Variants in TET1 observed in about 807,000 individuals in gnomAD.
TET1 encodes the protein methylcytosine dioxygenase TET1.
TET1 carries 13 observed loss-of-function variants against 148.7 expected under a neutral mutation model. The observed-to-expected ratio is 0.09, with a 90% confidence interval of 0.06 to 0.14. The LOEUF (loss-of-function observed/expected upper bound fraction) is 0.14. Ranked by LOEUF, TET1 falls within the 10% of genes least tolerant of loss-of-function variation. TET1 has a pLI of 1.00. For synonymous variants in TET1, 907 were observed against 937.2 expected (o/e 0.97, Z 0.59); for missense variants, 2,182 against 2,553.8 (o/e 0.85, Z 3.14).
chr10:68,581,548 G>T (rs1435984767), intron 2 of TET1, among the ~76,000 whole-genome samples: 1 of 152,120 alleles, frequency 6.6e-6, no homozygotes, highest in Non-Finnish European at 1.5e-5. Context: ...GAAAGCCAAA[G>T]AAAACAAAAT....
intron 7 of TET1, among the ~76,000 whole-genome samples, chr10:68,671,107 C>A (rs2055266772): frequency 6.6e-6 from 1 of 151,944 alleles, no homozygotes; most frequent in South Asian, 2.1e-4. Context: ...TAGGTAAATT[C>A]ATGTCACAGG....
intron 10 of TET1, among the ~76,000 whole-genome samples, chr10:68,686,109 A>G (rs2133233510): frequency 6.6e-6 from 1 of 152,368 alleles, no homozygotes; most frequent in Non-Finnish European, 1.5e-5. Flanking sequence ...TAAGTATTTT[A>G]TAACGTTATA....
intron 3 of TET1, among the ~76,000 whole-genome samples, chr10:68,631,366 G>T (rs915386965): frequency 6.6e-6 from 1 of 151,486 alleles, no homozygotes; most frequent in Non-Finnish European, 1.5e-5. Context: ...GAGGACTTTG[G>T]TTGTAAAATG....
chr10:68,581,467 G>A (rs2053797277), intron 2 of TET1, among the ~76,000 whole-genome samples: 1 of 152,168 alleles, frequency 6.6e-6, no homozygotes, highest in African/African-American at 2.4e-5. Context: ...GGACTGTAGA[G>A]CTATTCGCAG....
At chr10:68,666,806 G>A (rs557276873) in intron 6 of TET1, among the ~76,000 whole-genome samples, 24 of 152,146 alleles carry the variant, frequency 1.6e-4, no homozygotes, top group African/African-American at 3.9e-4. Context: ...AAATATGGCC[G>A]GGCATGGAGG....
intron 3 of TET1, among the ~76,000 whole-genome samples, chr10:68,615,093 C>G (rs1318922367): frequency 3.3e-5 from 5 of 151,772 alleles, no homozygotes; most frequent in African/African-American, 1.2e-4. Flanking sequence ...TGCCACCACA[C>G]CCGGCTAATT....
chr10:68,640,806 C>T (rs1246517554), intron 3 of TET1, among the ~76,000 whole-genome samples: 3 of 151,506 alleles, frequency 2.0e-5, no homozygotes, highest in African/African-American at 2.4e-5. Context: ...CCGCCTTGGC[C>T]TCCCAAAGTG....
chr10:68,622,009 C>A (rs1350814196), intron 3 of TET1, among the ~76,000 whole-genome samples: 1 of 152,026 alleles, frequency 6.6e-6, no homozygotes, highest in Non-Finnish European at 1.5e-5. Context: ...TCCAACATCC[C>A]CAAATGTTAT....
chr10:68,623,322 C>T (rs2054402869), intron 3 of TET1, among the ~76,000 whole-genome samples: 1 of 152,124 alleles, frequency 6.6e-6, no homozygotes, highest in South Asian at 2.1e-4. Context: ...AAACTTACAG[C>T]TATTTATTTT....
intron 1 of TET1, among the ~76,000 whole-genome samples, chr10:68,564,136 G>GA (rs1456998583): frequency 6.6e-6 from 1 of 151,154 alleles, no homozygotes; most frequent in Non-Finnish European, 1.5e-5. Flanking sequence ...ATTTTAGGGG[G>GA]AAAAATGTTC....
rs557747751 is a variant in TET1, at chr10:68,686,642, G to A, written c.5339G>A (p.Arg1780Gln). Residue 1780 changes from arginine (R) to glutamine (Q), a missense_variant, in exon 11 of 12, where the codon CGA becomes CAA. This residue lies in a region of TET1 where 380 missense variants were observed against 387.9 expected (regional missense o/e 0.98). Transcript: ENST00000373644. ...GCAGTGGAAAAGAAACCTATTCCCC[G>A]AATCAAGCGGAAGAATAACTCAACA... ...IRAVEKKPIP[R>Q]IKRKNNSTTT... 6.8e-6 allele frequency: 11 copies of A among 1,613,980 alleles called. No individual in the cohort carries two copies. Among genetic ancestry groups the A allele is most frequent in the Admixed American group, 3.3e-5 (2 of 59,978 alleles).
intron 3 of TET1, among the ~76,000 whole-genome samples, chr10:68,630,235 T>A (rs1000546936): frequency 6.6e-6 from 1 of 152,014 alleles, no homozygotes; most frequent in East Asian, 1.9e-4. Context: ...GAGCCTTGGG[T>A]TATTATTAAG....
At chr10:68,625,888 A>G (rs1022779386) in intron 3 of TET1, among the ~76,000 whole-genome samples, 2 of 151,918 alleles carry the variant, frequency 1.3e-5, no homozygotes, top group African/African-American at 4.8e-5. Context: ...GGAGTTTGAG[A>G]CCAGCCTGGG....
intron 7 of TET1, among the ~76,000 whole-genome samples, chr10:68,667,721 G>A (rs944419636): frequency 1.3e-5 from 2 of 150,622 alleles, no homozygotes; most frequent in Non-Finnish European, 3.0e-5. Context: ...TCCAGCCTGG[G>A]TGACAGAGCG....
intron 2 of TET1, among the ~76,000 whole-genome samples, chr10:68,576,149 G>A (rs1401439504): frequency 6.6e-6 from 1 of 152,014 alleles, no homozygotes; most frequent in Non-Finnish European, 1.5e-5. Context: ...TGAGGAGTTC[G>A]AGACCAGCCT....
intron 3 of TET1, among the ~76,000 whole-genome samples, chr10:68,635,205 A>G (rs999386382): frequency 6.6e-6 from 1 of 151,922 alleles, no homozygotes; most frequent in Non-Finnish European, 1.5e-5. Context: ...AGAAAAGGAA[A>G]GGTTTTTCTC....
Position 68,584,410 on chromosome 10 carries a change from G to T in TET1, c.1914+10158G>T, listed in dbSNP as rs77845094. On this transcript the variant is annotated intron_variant, in intron 2 of 11. Coordinates refer to ENST00000373644, the MANE Select transcript of TET1 (RefSeq NM_030625.3). ...TTTCATATGACAATGTCTGTTAAAA[G>T]AAAAAAAAAGAAAATGGGCTGGGTG... Among the ~76,000 whole-genome samples, 816 of 146,460 alleles carry T rather than the reference G, an allele frequency of 5.6e-3. 11 individuals carry two copies. The highest frequency in any genetic ancestry group is 0.053 in the East Asian group (250 of 4,676).
intron 9 of TET1, among the ~76,000 whole-genome samples, chr10:68,682,044 A>C (rs192317390): frequency 6.7e-6 from 1 of 148,738 alleles, no homozygotes; most frequent in Non-Finnish European, 1.5e-5. Context: ...CATACACAGC[A>C]TATCTATCTA....
chr10:68,610,638 C>T (rs191253643), intron 3 of TET1, among the ~76,000 whole-genome samples: 9 of 152,098 alleles, frequency 5.9e-5, no homozygotes, highest in African/African-American at 2.2e-4. Flanking sequence ...TGTTTAGAAC[C>T]GCTTGGCATA....
Sources: allele counts gnomAD v4.1 joint callset (sites outside exome capture counted in the v4.1 genomes callset), GRCh38; gene constraint gnomAD v4.1.1; regional missense constraint gnomAD v4.1.1; transcripts MANE v1.5; gene names NCBI Gene and HGNC (gene_info 2026-07-23, HGNC 2026-07-21).